The following CNTN4 variants were observed in gnomAD, a reference collection of about 807,000 sequenced individuals.
CNTN4 encodes contactin-4.
CNTN4 carries 77 observed loss-of-function variants against 122.5 expected under a neutral mutation model. The observed-to-expected ratio is 0.63, with a 90% CI of 0.52 to 0.76. CNTN4 has a LOEUF of 0.76. CNTN4 is among the 30% of genes least tolerant of loss of function. The pLI, the probability that CNTN4 is intolerant of heterozygous loss-of-function variation, is 0.00. For synonymous variants in CNTN4, 512 were observed against 447.0 expected (o/e 1.15, Z -1.83); for missense variants, 1,256 against 1,259.1 (o/e 1.00, Z 0.04).
Position 2,667,021 on chromosome 3 carries a change from T to C in CNTN4, c.56-69194T>C, listed in dbSNP as rs141982722. 5.3e-3 allele frequency among the ~76,000 whole-genome samples: 804 copies of C among 152,258 alleles called. 8 individuals are homozygous for C. Among genetic ancestry groups the C allele is most frequent in the African/African-American group, 0.018 (756 of 41,526 alleles). On this transcript the variant is annotated intron_variant, in intron 4 of 24. Transcript: ENST00000418658. Reference sequence around the variant, plus strand: ...GACATTTGGGTTGGTTCCAAGTCTTTGCTATTGTGAATCATGTCTCAATAA... The same window carrying C: ...GACATTTGGGTTGGTTCCAAGTCTTCGCTATTGTGAATCATGTCTCAATAA...
chr3:2,300,069 G>C (rs935453430), intron 2 of CNTN4, among the ~76,000 whole-genome samples: 6 of 152,116 alleles, frequency 3.9e-5, no homozygotes, highest in African/African-American at 1.4e-4. Context: ...ATAATGAAGT[G>C]ATTTGAAAAA....
rs2093355624 is a variant in CNTN4 at position 2,841,168 on chromosome 3, C to T, written c.454+21587C>T. On this transcript the variant is annotated intron_variant, in intron 7 of 24. Transcript: ENST00000418658. The surrounding 1 kb of genome is among the most constrained non-coding windows in gnomAD (Gnocchi z 4.8). ...ATGCTAACTCTCATAGAATTTAAGT[C>T]AAAATATCTGTCTTTGTTTGCATTG... Among the ~76,000 whole-genome samples, 1 of 151,912 alleles carries T rather than the reference C, an allele frequency of 6.6e-6. No individual in the cohort carries two copies. Among genetic ancestry groups the T allele is most frequent in the Admixed American group, 6.5e-5 (1 of 15,270 alleles).
At chr3:2,871,637 G>A (rs935777691) in intron 8 of CNTN4, among the ~76,000 whole-genome samples, 3 of 152,098 alleles carry the variant, frequency 2.0e-5, no homozygotes, top group Non-Finnish European at 4.4e-5. Context: ...TGAGAAACAA[G>A]GGAACTGAAG....
intron 6 of CNTN4, among the ~76,000 whole-genome samples, chr3:2,780,313 A>G (rs951718864): frequency 4.2e-4 from 64 of 152,120 alleles, no homozygotes; most frequent in Non-Finnish European, 6.5e-4. Flanking sequence ...ACAGTATAGG[A>G]GATCATGTGT....
At chr3:2,415,926 A>G (rs1214207434) in intron 3 of CNTN4, among the ~76,000 whole-genome samples, 2 of 151,978 alleles carry the variant, frequency 1.3e-5, no homozygotes, top group African/African-American at 4.8e-5. Context: ...TATAACCTAC[A>G]TTTGTTTTAC....
intron 6 of CNTN4, among the ~76,000 whole-genome samples, chr3:2,769,234 C>A (rs775174952): frequency 4.6e-5 from 7 of 151,942 alleles, no homozygotes; most frequent in Non-Finnish European, 7.4e-5. Context: ...GAGGCCGAGG[C>A]GGGCAGATCA....
At chr3:2,566,402 C>A (rs755005705) in intron 3 of CNTN4, among the ~76,000 whole-genome samples, 1 of 152,114 alleles carries the variant, frequency 6.6e-6, no homozygotes, top group Non-Finnish European at 1.5e-5. Flanking sequence ...GACTCCCAGC[C>A]ATGTTATAAG....
At chr3:2,375,224 T>C (rs1477180154) in intron 3 of CNTN4, among the ~76,000 whole-genome samples, 2 of 152,212 alleles carry the variant, frequency 1.3e-5, no homozygotes, top group Non-Finnish European at 2.9e-5. Flanking sequence ...ATCTGAGGCA[T>C]TATTTTGCCT....
At chr3:2,238,155 G>A (rs1039448341) in intron 2 of CNTN4, among the ~76,000 whole-genome samples, 5 of 151,972 alleles carry the variant, frequency 3.3e-5, no homozygotes, top group South Asian at 2.1e-4. Flanking sequence ...GAGGAATAAC[G>A]TATTTTGGGA....
chr3:2,556,072 G>C (rs1453009160), intron 3 of CNTN4, among the ~76,000 whole-genome samples: 1 of 152,088 alleles, frequency 6.6e-6, no homozygotes, highest in African/African-American at 2.4e-5. Context: ...ACATTAAACT[G>C]TCTTTCCATT....
At chr3:2,987,250 C>A (rs1694664707) in intron 13 of CNTN4, among the ~76,000 whole-genome samples, 1 of 152,130 alleles carries the variant, frequency 6.6e-6, no homozygotes, top group Admixed American at 6.5e-5. Context: ...GCAAGAGAGG[C>A]TTTTTAAAAA....
chr3:3,034,832 G>C (rs778689878), intron 17 of CNTN4, 42 bp downstream of exon 17: 1 of 1,602,560 alleles, frequency 6.2e-7, no homozygotes, highest in African/African-American at 1.3e-5. Flanking sequence ...TGGGAACTCA[G>C]CATACTGGAC....
At chr3:2,293,327 G>C (rs1450159800) in intron 2 of CNTN4, among the ~76,000 whole-genome samples, 2 of 152,174 alleles carry the variant, frequency 1.3e-5, no homozygotes, top group Non-Finnish European at 2.9e-5. Context: ...ATTTAGCACA[G>C]TGCCAGACAC....
intron 4 of CNTN4, among the ~76,000 whole-genome samples, chr3:2,599,121 T>C (rs2080907630): frequency 6.6e-6 from 1 of 152,152 alleles, no homozygotes. Context: ...AAAATGTATG[T>C]TGTTTATTTC....
chr3:2,712,359 G>T (rs1013818005), intron 4 of CNTN4, among the ~76,000 whole-genome samples: 2 of 152,122 alleles, frequency 1.3e-5, no homozygotes, highest in Non-Finnish European at 2.9e-5. Context: ...TGAAAGTCCA[G>T]CAATGTGCTA....
intron 2 of CNTN4, among the ~76,000 whole-genome samples, chr3:2,257,233 C>T (rs888339537): frequency 2.0e-5 from 3 of 152,138 alleles, no homozygotes; most frequent in African/African-American, 4.8e-5. Context: ...ACTGGCTAGC[C>T]ATAGGCAGAA....
At chr3:2,363,111 T>G (rs933770377) in intron 3 of CNTN4, among the ~76,000 whole-genome samples, 17 of 152,216 alleles carry the variant, frequency 1.1e-4, no homozygotes, top group Non-Finnish European at 1.5e-5. Context: ...TGGCTGATTC[T>G]CTTATGTGGT....
At chr3:2,181,955 T>G (rs896925537) in intron 2 of CNTN4, among the ~76,000 whole-genome samples, 2 of 152,120 alleles carry the variant, frequency 1.3e-5, no homozygotes, top group Non-Finnish European at 2.9e-5. Flanking sequence ...TCTGCAAGAA[T>G]AAATACTGAA....
In CNTN4 at chr3:2,700,685, A is replaced by G. The variant is rs78511838; in HGVS notation, c.56-35530A>G. On this transcript the variant is annotated intron_variant, in intron 4 of 24. Coordinates refer to ENST00000418658, the MANE Select transcript of CNTN4 (RefSeq NM_175607.3). Reference sequence around the variant, plus strand: ...AAAAAGAAAGGATTTTATCATCTATATGGATCAATTCCAAGAGTTCGCTTC... The same window carrying G: ...AAAAAGAAAGGATTTTATCATCTATGTGGATCAATTCCAAGAGTTCGCTTC... Among the ~76,000 whole-genome samples, 79 of 152,110 alleles carry G rather than the reference A, an allele frequency of 5.2e-4. 1 individual carries two copies. In the East Asian group the frequency reaches 0.013, roughly 25 times the overall value.
Sources: gnomAD v4.1 joint callset for allele counts (sites outside exome capture counted in the v4.1 genomes callset) on GRCh38, gnomAD v4.1.1 for gene constraint, Gnocchi (gnomAD v3.1) non-coding constraint, MANE v1.5 for transcripts, NCBI Gene and HGNC (gene_info 2026-07-23, HGNC 2026-07-21) for gene names.